RAB5C: variants seen among roughly 807,000 people sequenced by gnomAD.
RAB5C encodes ras-related protein Rab-5C.
Under a neutral mutation model 25.2 loss-of-function variants are expected in RAB5C, and 4 were observed. The ratio of observed to expected loss-of-function variants is 0.16; its 90% CI spans 0.08 to 0.36. The LOEUF (loss-of-function observed/expected upper bound fraction) is 0.36, where lower values mean the gene tolerates loss of function less well. Ranked by LOEUF, RAB5C falls within the 10% of genes least tolerant of loss-of-function variation. The probability of loss-of-function intolerance (pLI) is 1.00; values close to 1 mark genes in which losing one functional copy is unlikely to be tolerated. For missense variants in RAB5C, 199 were observed against 283.8 expected, an observed-to-expected ratio of 0.70 and a Z score of 2.15; for synonymous variants, 100 against 106.4, an observed-to-expected ratio of 0.94 and a Z score of 0.37.
chr17:42,142,045 C>T (rs1415160233), intron 1 of RAB5C, among the ~76,000 whole-genome samples: 1 of 152,060 alleles, frequency 6.6e-6, no homozygotes, highest in African/African-American at 2.4e-5. Flanking sequence ...TGTCAACAAC[C>T]CCAATCTTGT....
intron 1 of RAB5C, among the ~76,000 whole-genome samples, chr17:42,144,394 T>C (rs1189515537): frequency 6.6e-6 from 1 of 151,564 alleles, no homozygotes; most frequent in African/African-American, 2.4e-5. Context: ...GAGGTGGAGG[T>C]TGCAGTGAGC....
chr17:42,130,377 G>A lies in RAB5C; in HGVS notation c.126C>T (p.Val42=). The change falls in exon 2 of 6, where the codon GTC becomes GTT. Residue 42 remains valine (V), a synonymous_variant. Transcript: ENST00000346213. ...CCTGGTACTCGTGAAACTGTCCCTT[G>A]ACAAAGCGGAGGACGAGGCTGGATT... ...VGKSSLVLRF[V]KGQFHEYQES... The A allele has an allele frequency of 1.2e-6, 2 of 1,613,888 alleles. No individual in the cohort carries two copies. The highest frequency in any genetic ancestry group is 1.7e-6 in the Non-Finnish European group (2 of 1,179,812).
chr17:42,130,440 T>C lies in RAB5C; in HGVS notation c.63A>G (p.Gln21=), dbSNP rs768234973. 1.3e-5 allele frequency: 21 copies of C among 1,614,182 alleles called. No individual in the cohort carries two copies. In the East Asian group the frequency reaches 1.8e-4, roughly 14 times the overall value. The part of the protein sequence containing the change: ...NGPAAGNKIC[Q]FKLVLLGESA... ...ACTCCCCCAGCAGAACCAGCTTAAA[T>C]TGACAGATCTTGTTCCCAGCAGCTG... is the stretch of plus-strand genomic sequence containing the variant. The change falls in exon 2 of 6, where the codon CAA becomes CAG. Residue 21 remains glutamine, a synonymous_variant. Coordinates refer to ENST00000346213, the MANE Select transcript of RAB5C (RefSeq NM_004583.4).
At chr17:42,134,984 T>G (rs1180606511) in intron 1 of RAB5C, among the ~76,000 whole-genome samples, 4 of 149,592 alleles carry the variant, frequency 2.7e-5, no homozygotes, top group Non-Finnish European at 6.0e-5. Context: ...TCTTAAGTTT[T>G]TTTTTTTTTT....
At chr17:42,141,343 G>A (rs1469173187) in intron 1 of RAB5C, among the ~76,000 whole-genome samples, 3 of 152,232 alleles carry the variant, frequency 2.0e-5, no homozygotes, top group Non-Finnish European at 4.4e-5. Context: ...CACTGTTGCA[G>A]ATGAAAACAA....
intron 1 of RAB5C, among the ~76,000 whole-genome samples, chr17:42,141,981 G>A (rs1057354452): frequency 5.3e-5 from 8 of 152,030 alleles, no homozygotes; most frequent in Admixed American, 6.5e-5. Context: ...CTCATTTGGA[G>A]AGAATGCTGA....
At chr17:42,142,593 G>A (rs1045065132) in intron 1 of RAB5C, among the ~76,000 whole-genome samples, 2 of 152,184 alleles carry the variant, frequency 1.3e-5, no homozygotes, top group Non-Finnish European at 2.9e-5. Flanking sequence ...GGCCACCCAC[G>A]CCCTCCTCCA....
intron 1 of RAB5C, among the ~76,000 whole-genome samples, chr17:42,133,020 C>T (rs1213511896): frequency 6.6e-6 from 1 of 152,126 alleles, no homozygotes; most frequent in East Asian, 1.9e-4. Flanking sequence ...ATGAAACTCT[C>T]TTTTTTTGTG....
chr17:42,147,136 AAGAAAGAAAG>A (rs1446827977), intron 1 of RAB5C, among the ~76,000 whole-genome samples: 2 of 124,638 alleles, frequency 1.6e-5, no homozygotes, highest in African/African-American at 9.4e-5. Context: ...GAAAGAAAGA[AAGAAAGAAAG>A]AGAGAGAGAG....
At chr17:42,129,545 C>T (rs1486740600) in intron 2 of RAB5C, among the ~76,000 whole-genome samples, 1 of 152,202 alleles carries the variant, frequency 6.6e-6, no homozygotes, top group Non-Finnish European at 1.5e-5. Flanking sequence ...CCCCTGGACC[C>T]AGCAGAGAAC....
chr17:42,129,400 C>T (rs557037469), intron 2 of RAB5C, among the ~76,000 whole-genome samples: 1 of 152,320 alleles, frequency 6.6e-6, no homozygotes, highest in South Asian at 2.1e-4. Flanking sequence ...CTGACCCAGA[C>T]CTGTTCCTGT....
chr17:42,128,210 C>CG, intron 4 of RAB5C, 51 bp downstream of exon 4: 4 of 1,580,636 alleles, frequency 2.5e-6, no homozygotes, highest in Non-Finnish European at 3.4e-6. Context: ...CAGGCGAGGC[C>CG]GGGGGGAGCT....
At chr17:42,147,516 G>A (rs559726581) in intron 1 of RAB5C, among the ~76,000 whole-genome samples, 47 of 152,350 alleles carry the variant, frequency 3.1e-4, no homozygotes, top group Non-Finnish European at 5.7e-4. Context: ...CAGCCGGACT[G>A]TGGCTAGTCA....
At chr17:42,133,259 G>C (rs1420463206) in intron 1 of RAB5C, among the ~76,000 whole-genome samples, 1 of 152,206 alleles carries the variant, frequency 6.6e-6, no homozygotes. Flanking sequence ...GGCACTGGAG[G>C]AGGAGGTATG....
chr17:42,127,405 A>G (rs1202089312), intron 4 of RAB5C, among the ~76,000 whole-genome samples: 1 of 152,248 alleles, frequency 6.6e-6, no homozygotes, highest in Non-Finnish European at 1.5e-5. Context: ...AATAAGTTTA[A>G]TTAAAAAGTC....
chr17:42,138,292 T>G (rs1333919124), intron 1 of RAB5C, among the ~76,000 whole-genome samples: 2 of 152,188 alleles, frequency 1.3e-5, no homozygotes, highest in Non-Finnish European at 2.9e-5. Context: ...GGCCTGTGTC[T>G]TACCTAAGAG....
Position 42,128,678 on chromosome 17 carries a change from C to A in RAB5C, c.289G>T (p.Ala97Ser). ...APMYYRGAQA[A>S]IVVYDITNTD... is the part of the protein sequence containing the mutation. ...TTGGTGATGTCATAGACCACGATGG[C>A]AGCCTGGGCCCCCCGATAGTACATG... Residue 97 changes from alanine to serine, a missense_variant, in exon 3 of 6, where the codon GCC becomes TCC. This residue lies in a region of RAB5C where 154 missense variants were observed against 199.6 expected (regional missense o/e 0.77). Transcript: ENST00000346213. The A allele has an allele frequency of 6.6e-7, 1 of 1,505,830 alleles. No individual in the cohort carries two copies. Among genetic ancestry groups the A allele is most frequent in the Non-Finnish European group, 8.9e-7 (1 of 1,129,170 alleles). 93.3% of individuals were successfully genotyped at this position (1,505,830 alleles called of 1,614,324 possible).
intron 1 of RAB5C, among the ~76,000 whole-genome samples, chr17:42,146,425 C>G (rs1010892894): frequency 8.5e-5 from 13 of 152,092 alleles, no homozygotes; most frequent in Non-Finnish European, 7.4e-5. Flanking sequence ...TATTAAGCCT[C>G]GGCAACATAG....
intron 1 of RAB5C, among the ~76,000 whole-genome samples, chr17:42,150,020 G>A (rs2079660069): frequency 6.6e-6 from 1 of 151,982 alleles, no homozygotes; most frequent in Admixed American, 6.6e-5. Flanking sequence ...AAGTAGCTGG[G>A]ATTACAGGCA....
Sources: gnomAD v4.1 joint callset for allele counts (sites outside exome capture counted in the v4.1 genomes callset) on GRCh38, gnomAD v4.1.1 for gene constraint, gnomAD v4.1.1 regional missense constraint, MANE v1.5 for transcripts, NCBI Gene and HGNC (gene_info 2026-07-23, HGNC 2026-07-21) for gene names.